Variants in OR4C15 observed in about 807,000 individuals in gnomAD.
OR4C15 encodes olfactory receptor family 4 subfamily C member 15, also known as olfactory receptor 4C15.
For missense variants in OR4C15, 697 were observed against 377.5 expected, an observed-to-expected ratio of 1.85 and a Z score of -7.01; for synonymous variants, 216 against 134.0, an observed-to-expected ratio of 1.61 and a Z score of -4.22.
rs564333436 is a variant in OR4C15 at position 55,554,584 on chromosome 11, G to A, written c.116G>A (p.Gly39Asp). The change falls in exon 1 of 1, where the codon GGC becomes GAC. Residue 39 changes from glycine (G) to aspartate (D), a missense_variant. Gly to Asp is a moderately conservative substitution (Grantham distance 94). Coordinates refer to ENST00000642128, the MANE Select transcript of OR4C15 (RefSeq NM_001001920.3). ...FLFVYIATVGGNMLIVVTILS... is the reference protein window; with the variant it reads ...FLFVYIATVGDNMLIVVTILS... The stretch of plus-strand genomic sequence containing the variant: ...TTTGTCTACATTGCAACTGTTGGGG[G>A]CAACATGCTAATTGTAGTAACCATT... 3.2e-5 allele frequency: 51 copies of A among 1,613,932 alleles called. No individual in the cohort carries two copies. The South Asian group carries it at 3.4e-4, about 11-fold the overall frequency.
chr11:55,554,729 G>A lies in OR4C15; in HGVS notation c.261G>A (p.Val87=). Residue 87 remains valine (V), a synonymous_variant, in exon 1 of 1, where the codon GTG becomes GTA. Transcript: ENST00000642128. The part of the protein sequence containing the change: ...TPKMIVDSLY[V]TKTISFEGCM... ...AGATGATTGTAGACTCCCTCTATGT[G>A]ACAAAAACCATCTCTTTTGAAGGCT... 2 of 1,613,752 alleles carry A rather than the reference G, an allele frequency of 1.2e-6. No individual in the cohort carries two copies. Among genetic ancestry groups the A allele is most frequent in the Non-Finnish European group, 1.7e-6 (2 of 1,179,908 alleles).
rs754318481 is a variant in OR4C15, at chr11:55,555,290, T to A, written c.822T>A (p.Tyr274Ter). ...FSLDKMAAIFYIILNPLLNPL... is the reference protein window; with the variant it reads ...FSLDKMAAIF ...TTGACAAAATGGCGGCAATATTTTA[T>A]ATCATCTTAAATCCCTTGCTCAATC... The change falls in exon 1 of 1, where the codon TAT becomes TAA. Residue 274 changes from tyrosine to a stop codon, truncating the protein, a stop_gained. Coordinates refer to ENST00000642128, the MANE Select transcript of OR4C15 (RefSeq NM_001001920.3). LOFTEE classifies it low-confidence loss of function (END_TRUNC). 4 of 1,613,814 alleles carry A rather than the reference T, an allele frequency of 2.5e-6. No individual in the cohort carries two copies. The Admixed American group carries it at 6.7e-5, about 27-fold the overall frequency.
chr11:55,555,186 G>A lies in OR4C15; in HGVS notation c.718G>A (p.Gly240Arg), dbSNP rs764902942. 12 of 1,613,842 alleles carry A rather than the reference G, an allele frequency of 7.4e-6. No homozygotes were observed. The African/African-American group carries it at 1.6e-4, about 22-fold the overall frequency. ...GCGCTGGAAAGCTCTCTCCACCTGT[G>A]GATCTCACATTGCTGTTGTGATTTT... ...EGRWKALSTCGSHIAVVILFF... is the reference protein window; with the variant it reads ...EGRWKALSTCRSHIAVVILFF... The change falls in exon 1 of 1, where the codon GGA (glycine) becomes AGA (arginine). Residue 240 changes from glycine (G) to arginine (R), a missense_variant. Transcript: ENST00000642128.
chr11:55,554,726 T>C lies in OR4C15; in HGVS notation c.258T>C (p.Tyr86=), dbSNP rs1287992502. Residue 86 remains tyrosine, a synonymous_variant, in exon 1 of 1, where the codon TAT becomes TAC. Transcript: ENST00000642128. ...ITPKMIVDSL[Y]VTKTISFEGC... ...CAAAGATGATTGTAGACTCCCTCTA[T>C]GTGACAAAAACCATCTCTTTTGAAG... is the stretch of plus-strand genomic sequence containing the variant. 2 of 1,613,856 alleles carry C rather than the reference T, an allele frequency of 1.2e-6. No individual in the cohort carries two copies. Among genetic ancestry groups the C allele is most frequent in the Non-Finnish European group, 8.5e-7 (1 of 1,179,920 alleles).
rs542417520 is a variant in OR4C15 at position 55,555,321 on chromosome 11, A to T, written c.853A>T (p.Ile285Phe). 1 of 1,613,820 alleles carries T rather than the reference A, an allele frequency of 6.2e-7. No homozygotes were observed. Among genetic ancestry groups the T allele is most frequent in the Admixed American group, 1.7e-5 (1 of 59,964 alleles). The change falls in exon 1 of 1, where the codon ATT becomes TTT. Residue 285 changes from isoleucine (I) to phenylalanine (F), a missense_variant. Ile to Phe is a conservative substitution (Grantham distance 21). Transcript: ENST00000642128. ...CTTAAATCCCTTGCTCAATCCTTTG[A>T]TTTACACTTTCAGGAATAAGGAAGT... ...IILNPLLNPL[I>F]YTFRNKEVKQ...
rs1421671404 is a variant in OR4C15 at position 55,555,267 on chromosome 11, G to T, written c.799G>T (p.Asp267Tyr). The change falls in exon 1 of 1, where the codon GAC becomes TAC. Residue 267 changes from aspartate (D) to tyrosine (Y), a missense_variant. By Grantham distance (160) the Asp-to-Tyr change is radical (BLOSUM62 -3). Coordinates refer to ENST00000642128, the MANE Select transcript of OR4C15 (RefSeq NM_001001920.3). ...ACGACCTCCATCTGCTTTTTCCCTT[G>T]ACAAAATGGCGGCAATATTTTATAT... ...YTRPPSAFSLDKMAAIFYIIL... is the reference protein window; with the variant it reads ...YTRPPSAFSLYKMAAIFYIIL... 1 of 1,613,738 alleles carries T rather than the reference G, an allele frequency of 6.2e-7. No homozygotes were observed. Among genetic ancestry groups the T allele is most frequent in the East Asian group, 2.2e-5 (1 of 44,836 alleles).
At position 55,555,326 on chromosome 11, in the gene OR4C15, C is replaced by T; in HGVS notation, c.858C>T (p.Tyr286=). 6.2e-7 allele frequency: 1 copy of T among 1,613,710 alleles called. No individual in the cohort carries two copies. The highest frequency in any genetic ancestry group is 1.7e-5 in the Admixed American group (1 of 59,948). Reference sequence around the variant, plus strand: ...ATCCCTTGCTCAATCCTTTGATTTACACTTTCAGGAATAAGGAAGTAAAAC... The same window carrying T: ...ATCCCTTGCTCAATCCTTTGATTTATACTTTCAGGAATAAGGAAGTAAAAC... The part of the protein sequence containing the change: ...ILNPLLNPLI[Y]TFRNKEVKQA... The change falls in exon 1 of 1, where the codon TAC becomes TAT. Residue 286 remains tyrosine (Y), a synonymous_variant. Transcript: ENST00000642128.
rs202121832 is a variant in OR4C15 at position 55,554,975 on chromosome 11, C to T, written c.507C>T (p.Gly169=). 12 of 1,613,790 alleles carry T rather than the reference C, an allele frequency of 7.4e-6. No individual in the cohort carries two copies. Among genetic ancestry groups the T allele is most frequent in the South Asian group, 2.2e-5 (2 of 91,078 alleles). ...ILFTFQLPFC[G]PNVINHFMCD... ...TTACTTTCCAGCTTCCCTTTTGTGGCCCCAATGTCATCAATCACTTTATGT... is the reference window on the plus strand; with the variant it reads ...TTACTTTCCAGCTTCCCTTTTGTGGTCCCAATGTCATCAATCACTTTATGT... Residue 169 remains glycine, a synonymous_variant, in exon 1 of 1, where the codon GGC becomes GGT. Coordinates refer to ENST00000642128, the MANE Select transcript of OR4C15 (RefSeq NM_001001920.3).
rs765783320 is a variant in OR4C15, at chr11:55,555,292, T to A, written c.824T>A (p.Ile275Asn). 4.2e-5 allele frequency: 67 copies of A among 1,613,796 alleles called. 2 individuals are homozygous for A. The South Asian group carries it at 6.8e-4, about 16-fold the overall frequency. Residue 275 changes from isoleucine to asparagine, a missense_variant, in exon 1 of 1, where the codon ATC (isoleucine) becomes AAC (asparagine). Ile to Asn is a moderately radical substitution (Grantham distance 149). Transcript: ENST00000642128. ...SLDKMAAIFY[I>N]ILNPLLNPLI... ...GACAAAATGGCGGCAATATTTTATA[T>A]CATCTTAAATCCCTTGCTCAATCCT... is the stretch of plus-strand genomic sequence containing the variant.
Position 55,555,001 on chromosome 11 carries a change from G to C in OR4C15, c.533G>C (p.Cys178Ser). The C allele has an allele frequency of 6.2e-7, 1 of 1,613,814 alleles. No homozygotes were observed. The highest frequency in any genetic ancestry group is 2.2e-5 in the East Asian group (1 of 44,836). The change falls in exon 1 of 1, where the codon TGT becomes TCT. Residue 178 changes from cysteine to serine, a missense_variant. Transcript: ENST00000642128. ...CGPNVINHFM[C>S]DLYPLLELAC... ...CCCAATGTCATCAATCACTTTATGT[G>C]TGACTTGTACCCGTTACTGGAGCTT... is the stretch of plus-strand genomic sequence containing the variant.
Position 55,555,238 on chromosome 11 carries a change from A to C in OR4C15, c.770A>C (p.Tyr257Ser). Residue 257 changes from tyrosine (Y) to serine (S), a missense_variant, in exon 1 of 1, where the codon TAT becomes TCT. Transcript: ENST00000642128. ...TTCTTTGTCCCATGCATATTTGTAT[A>C]TACACGACCTCCATCTGCTTTTTCC... ...ILFFVPCIFV[Y>S]TRPPSAFSLD... 1 of 1,613,918 alleles carries C rather than the reference A, an allele frequency of 6.2e-7. No individual in the cohort carries two copies. Among genetic ancestry groups the C allele is most frequent in the South Asian group, 1.1e-5 (1 of 91,078 alleles).
At position 55,555,268 on chromosome 11, in the gene OR4C15, AC is replaced by A; in HGVS notation, c.801del (p.Asp267GlufsTer11). 1 of 1,613,942 alleles carries A rather than the reference AC, an allele frequency of 6.2e-7. No homozygotes were observed. The highest frequency in any genetic ancestry group is 8.5e-7 in the Non-Finnish European group (1 of 1,179,936). ...CGACCTCCATCTGCTTTTTCCCTTG[AC>A]AAAATGGCGGCAATATTTTATATCA... ...YTRPPSAFSLDKMAAIFYIIL... is the reference protein window; with the variant it reads ...YTRPPSAFSLXKMAAIFYIIL... On this transcript the variant is annotated frameshift_variant, in exon 1 of 1. Transcript: ENST00000642128. LOFTEE classifies it low-confidence loss of function (END_TRUNC).
rs538321391 is a variant in OR4C15, at chr11:55,554,542, T to C, written c.74T>C (p.Val25Ala). ...LSQNPNVQEI[V>A]FVVFLFVYIA... Reference sequence around the variant, plus strand: ...CAGAATCCAAATGTTCAGGAAATAGTATTTGTTGTATTTTTGTTTGTCTAC... The same window carrying C: ...CAGAATCCAAATGTTCAGGAAATAGCATTTGTTGTATTTTTGTTTGTCTAC... The change falls in exon 1 of 1, where the codon GTA becomes GCA. Residue 25 changes from valine to alanine, a missense_variant. Val to Ala is a moderately conservative substitution (Grantham distance 64). Transcript: ENST00000642128. 6.8e-6 allele frequency: 11 copies of C among 1,613,952 alleles called. No individual in the cohort carries two copies. In the African/African-American group the frequency reaches 1.3e-4, roughly 20 times the overall value.
At position 55,555,043 on chromosome 11, in the gene OR4C15, AC is replaced by A; in HGVS notation, c.576del (p.His192GlnfsTer17). 6.2e-7 allele frequency: 1 copy of A among 1,613,524 alleles called. No individual in the cohort carries two copies. ...CTGGAGCTTGCCTGCACTGATACTCACATCTTTGGCCTCATGGTGGTCATCA... is the reference window on the plus strand; with the variant it reads ...CTGGAGCTTGCCTGCACTGATACTCAATCTTTGGCCTCATGGTGGTCATCA... The part of the protein sequence containing the change: ...PLLELACTDT[H>X]IFGLMVVINS... On this transcript the variant is annotated frameshift_variant, in exon 1 of 1. Coordinates refer to ENST00000642128, the MANE Select transcript of OR4C15 (RefSeq NM_001001920.3). LOFTEE classifies it low-confidence loss of function (END_TRUNC).
rs763191657 is a variant in OR4C15 at position 55,554,921 on chromosome 11, C to T, written c.453C>T (p.Gly151=). The change falls in exon 1 of 1, where the codon GGC becomes GGT. Residue 151 remains glycine (G), a synonymous_variant. Transcript: ENST00000642128. ...TGATGGGGGTAGCCTGGACAGGGGG[C>T]CTCTTGCATTCCATGATACAAATTC... is the stretch of plus-strand genomic sequence containing the variant. The part of the protein sequence containing the change: ...GILMGVAWTG[G]LLHSMIQILF... 1.8e-5 allele frequency: 29 copies of T among 1,613,814 alleles called. No homozygotes were observed. Among genetic ancestry groups the T allele is most frequent in the East Asian group, 4.5e-5 (2 of 44,878 alleles).
Position 55,555,264 on chromosome 11 carries a change from CT to C in OR4C15, c.798del (p.Asp267ThrfsTer11), listed in dbSNP as rs766104472. On this transcript the variant is annotated frameshift_variant, in exon 1 of 1. Coordinates refer to ENST00000642128, the MANE Select transcript of OR4C15 (RefSeq NM_001001920.3). LOFTEE classifies it low-confidence loss of function (END_TRUNC). ...VYTRPPSAFS[L>X]DKMAAIFYII... ...TACACGACCTCCATCTGCTTTTTCC[CT>C]TGACAAAATGGCGGCAATATTTTAT... 5 of 1,613,800 alleles carry C rather than the reference CT, an allele frequency of 3.1e-6. No individual in the cohort carries two copies. In the South Asian group the frequency reaches 5.5e-5, roughly 18 times the overall value.
At position 55,555,366 on chromosome 11, in the gene OR4C15, A is replaced by T; in HGVS notation, c.898A>T (p.Ile300Leu). The T allele has an allele frequency of 6.2e-7, 1 of 1,613,292 alleles. No homozygotes were observed. Among genetic ancestry groups the T allele is most frequent in the Non-Finnish European group, 8.5e-7 (1 of 1,179,666 alleles). Residue 300 changes from isoleucine (I) to leucine (L), a missense_variant, in exon 1 of 1, where the codon ATA (isoleucine) becomes TTA (leucine). Ile to Leu is a conservative substitution (Grantham distance 5). Coordinates refer to ENST00000642128, the MANE Select transcript of OR4C15 (RefSeq NM_001001920.3). ...GGAAGTAAAACAGGCCATGAGGAGA[A>T]TATGGAACAGACTGATGGTGGTTTC... is the stretch of plus-strand genomic sequence containing the variant. ...NKEVKQAMRR[I>L]WNRLMVVSDE...
At position 55,555,380 on chromosome 11, in the gene OR4C15, G is replaced by T. The variant is rs1857138474; in HGVS notation, c.912G>T (p.Leu304=). Residue 304 remains leucine, a synonymous_variant, in exon 1 of 1, where the codon CTG becomes CTT. Transcript: ENST00000642128. The stretch of plus-strand genomic sequence containing the variant: ...CCATGAGGAGAATATGGAACAGACT[G>T]ATGGTGGTTTCTGATGAGAAAGAAA... The part of the protein sequence containing the change: ...KQAMRRIWNR[L]MVVSDEKENI... The T allele has an allele frequency of 6.2e-7, 1 of 1,601,744 alleles. No homozygotes were observed. The highest frequency in any genetic ancestry group is 1.1e-5 in the South Asian group (1 of 88,128).
Position 55,554,669 on chromosome 11 carries a change from C to T in OR4C15, c.201C>T (p.Phe67=), listed in dbSNP as rs550631405. ...ACTTCTTCTTGGGCTTCCTGTCCTT[C>T]CTGGATGCGTGCTTCTCATCTGTCA... ...PMYFFLGFLS[F]LDACFSSVIT... Residue 67 remains phenylalanine, a synonymous_variant, in exon 1 of 1, where the codon TTC becomes TTT. Coordinates refer to ENST00000642128, the MANE Select transcript of OR4C15 (RefSeq NM_001001920.3). 8.7e-6 allele frequency: 14 copies of T among 1,613,490 alleles called. No individual in the cohort carries two copies. Among genetic ancestry groups the T allele is most frequent in the Admixed American group, 8.3e-5 (5 of 60,000 alleles).
Sources: gnomAD v4.1 joint callset for allele counts on GRCh38, gnomAD v4.1.1 for gene constraint, MANE v1.5 for transcripts, NCBI Gene and HGNC (gene_info 2026-07-23, HGNC 2026-07-21) for gene names.